Variants in MARCHF1 observed in about 807,000 individuals in gnomAD.
MARCHF1 encodes the protein E3 ubiquitin-protein ligase MARCHF1.
In MARCHF1, 40 loss-of-function variants were observed where a neutral mutation model predicts 54.2. The ratio of observed to expected loss-of-function variants is 0.74; its 90% confidence interval spans 0.57 to 0.96. The LOEUF (loss-of-function observed/expected upper bound fraction) is 0.96. MARCHF1 is among the 40% of genes least tolerant of loss of function. The pLI is 0.00. For missense variants in MARCHF1, 586 were observed against 656.5 expected (o/e 0.89, Z 1.17); for synonymous variants, 236 against 236.3 (o/e 1.00, Z 0.01).
chr4:163,725,270 G>T (rs893932120), intron 4 of MARCHF1, among the ~76,000 whole-genome samples: 1 of 152,108 alleles, frequency 6.6e-6, no homozygotes, highest in African/African-American at 2.4e-5. Context: ...GGTAATAAAA[G>T]TAGTGGCATA....
intron 2 of MARCHF1, among the ~76,000 whole-genome samples, chr4:164,110,162 A>G (rs1011897911): frequency 4.6e-5 from 7 of 150,724 alleles, no homozygotes; most frequent in African/African-American, 1.7e-4. Context: ...ACACACAGGT[A>G]GCTAAATGAT....
chr4:164,290,878 C>A (rs1472963963), intron 1 of MARCHF1, among the ~76,000 whole-genome samples: 5 of 151,754 alleles, frequency 3.3e-5, no homozygotes, highest in Non-Finnish European at 7.4e-5. Context: ...ACACATTTCT[C>A]CAAGCAAGGA....
chr4:163,897,980 G>A (rs754254718), intron 3 of MARCHF1, among the ~76,000 whole-genome samples: 5 of 141,540 alleles, frequency 3.5e-5, no homozygotes, highest in Admixed American at 8.2e-5. Flanking sequence ...AGAATGGCAC[G>A]AACCCGGGAG....
intron 5 of MARCHF1, among the ~76,000 whole-genome samples, chr4:163,698,074 A>G (rs908266311): frequency 6.6e-6 from 1 of 152,200 alleles, no homozygotes; most frequent in Non-Finnish European, 1.5e-5. Context: ...ACTAATATAT[A>G]TGCTCCTTTT....
intron 4 of MARCHF1, among the ~76,000 whole-genome samples, chr4:163,705,268 A>T (rs1744916800): frequency 6.6e-6 from 1 of 151,672 alleles, no homozygotes; most frequent in African/African-American, 2.4e-5. Flanking sequence ...TCCCTAATCC[A>T]TATTATTAAC....
chr4:164,148,710 G>T (rs910196960), intron 1 of MARCHF1, among the ~76,000 whole-genome samples: 7 of 152,042 alleles, frequency 4.6e-5, no homozygotes, highest in African/African-American at 1.4e-4. Context: ...GAAAATTCTA[G>T]CTAATTGACC....
At chr4:164,225,596 C>T (rs994629933) in intron 1 of MARCHF1, among the ~76,000 whole-genome samples, 6 of 152,008 alleles carry the variant, frequency 3.9e-5, no homozygotes, top group African/African-American at 1.2e-4. Flanking sequence ...AACTGAATAA[C>T]TCACTTTTTG....
intron 7 of MARCHF1, among the ~76,000 whole-genome samples, chr4:163,599,252 T>C (rs1363314614): frequency 1.3e-5 from 2 of 151,474 alleles, no homozygotes; most frequent in Non-Finnish European, 2.9e-5. Flanking sequence ...ACTGTGCCAC[T>C]GCACTCCAGC....
At chr4:163,640,637 A>G (rs2111031735) in intron 5 of MARCHF1, among the ~76,000 whole-genome samples, 1 of 152,298 alleles carries the variant, frequency 6.6e-6, no homozygotes, top group East Asian at 1.9e-4. Flanking sequence ...ACCAAAAAAA[A>G]TTCAGCAAAC....
intron 2 of MARCHF1, among the ~76,000 whole-genome samples, chr4:164,084,669 T>A (rs1755160534): frequency 6.6e-6 from 1 of 151,878 alleles, no homozygotes; most frequent in East Asian, 1.9e-4. Flanking sequence ...AATGCCTCTA[T>A]GAATCATAAA....
rs570263668 is a variant in MARCHF1, at chr4:163,752,864, A to C, written c.112-52001T>G. Among the ~76,000 whole-genome samples the C allele has an allele frequency of 5.9e-5, 9 of 152,310 alleles. No homozygotes were observed. The South Asian group carries it at 1.9e-3, about 32-fold the overall frequency. On this transcript the variant is annotated intron_variant, in intron 4 of 9. Coordinates refer to ENST00000514618, the MANE Select transcript of MARCHF1 (RefSeq NM_001394959.1). The stretch of plus-strand genomic sequence containing the variant: ...GAGTTCGACAACATCAAATCTTGGC[A>C]AGAATGCATTGCTATCACTAGTACC...
rs1022927699 is a variant in MARCHF1, at chr4:164,179,537, T to C, written c.-322-67875A>G. ...TACAGAAACCACTGAAAATACAATT[T>C]GCCTAATTAATGTCAGTTGATGTAA... On this transcript the variant is annotated intron_variant, in intron 1 of 9. Coordinates refer to ENST00000514618, the MANE Select transcript of MARCHF1 (RefSeq NM_001394959.1). Among the ~76,000 whole-genome samples, 79 of 152,182 alleles carry C rather than the reference T, an allele frequency of 5.2e-4. 1 individual carries two copies. The highest frequency in any genetic ancestry group is 6.6e-5 in the Admixed American group (1 of 15,262).
intron 3 of MARCHF1, among the ~76,000 whole-genome samples, chr4:163,956,168 C>G (rs1368298635): frequency 6.6e-6 from 1 of 151,978 alleles, no homozygotes; most frequent in Non-Finnish European, 1.5e-5. Context: ...TCTGTAGTAG[C>G]CTCATAATAT....
intron 4 of MARCHF1, among the ~76,000 whole-genome samples, chr4:163,785,256 C>A (rs536950393): frequency 2.6e-5 from 4 of 152,186 alleles, no homozygotes; most frequent in Admixed American, 2.0e-4. Flanking sequence ...AAAAATGACA[C>A]AAATTGCATT....
chr4:164,247,317 T>G (rs1164788068), intron 1 of MARCHF1, among the ~76,000 whole-genome samples: 1 of 145,586 alleles, frequency 6.9e-6, no homozygotes, highest in Non-Finnish European at 1.5e-5. Context: ...GGGACATGGA[T>G]GAAATTGGAA....
At chr4:164,175,073 T>A (rs10517801) in intron 1 of MARCHF1, among the ~76,000 whole-genome samples, 27,420 of 152,188 alleles carry the variant, frequency 0.18, 3,039 homozygotes, top group Non-Finnish European at 0.26. Context: ...TACTTCTTAC[T>A]ATCATTGTCA....
chr4:163,772,600 A>C (rs1219612819), intron 4 of MARCHF1, among the ~76,000 whole-genome samples: 2 of 152,198 alleles, frequency 1.3e-5, no homozygotes, highest in Non-Finnish European at 2.9e-5. Flanking sequence ...TCTAGAGAAT[A>C]CCTACAATCC....
At chr4:164,032,022 A>G (rs1014557044) in intron 2 of MARCHF1, among the ~76,000 whole-genome samples, 1 of 151,976 alleles carries the variant, frequency 6.6e-6, no homozygotes, top group African/African-American at 2.4e-5. Flanking sequence ...TTTTTATTGG[A>G]CTATTCAGGA....
intron 2 of MARCHF1, among the ~76,000 whole-genome samples, chr4:164,011,106 A>G (rs1426819876): frequency 2.0e-5 from 3 of 152,166 alleles, no homozygotes; most frequent in African/African-American, 7.2e-5. Context: ...CCACGCCCCA[A>G]ATTCAAATAA....
Sources: gnomAD v4.1 joint callset for allele counts (sites outside exome capture counted in the v4.1 genomes callset) on GRCh38, gnomAD v4.1.1 for gene constraint, MANE v1.5 for transcripts, NCBI Gene and HGNC (gene_info 2026-07-23, HGNC 2026-07-21) for gene names.